Variants in GRAMD1C observed in about 807,000 individuals in gnomAD.
The protein encoded by GRAMD1C is protein Aster-C.
Under a neutral mutation model 97.8 loss-of-function variants are expected in GRAMD1C, and 89 were observed. The observed-to-expected ratio is 0.91, with a 90% CI of 0.77 to 1.09. The LOEUF (loss-of-function observed/expected upper bound fraction) is 1.09, where lower values mean the gene tolerates loss of function less well. Ranked by LOEUF, GRAMD1C falls within the 50% of genes least tolerant of loss-of-function variation. GRAMD1C has a pLI of 0.00. For missense variants in GRAMD1C, 740 were observed against 766.4 expected (o/e 0.97, Z 0.41); for synonymous variants, 256 against 267.0 (o/e 0.96, Z 0.40).
intron 3 of GRAMD1C, among the ~76,000 whole-genome samples, chr3:113,873,780 A>G (rs1193699320): frequency 6.6e-6 from 1 of 152,136 alleles, no homozygotes; most frequent in Non-Finnish European, 1.5e-5. Context: ...TGGCCTCCCA[A>G]AGTACTGGGA....
intron 3 of GRAMD1C, among the ~76,000 whole-genome samples, chr3:113,871,862 G>A (rs1934830586): frequency 6.6e-6 from 1 of 151,766 alleles, no homozygotes; most frequent in African/African-American, 2.4e-5. Context: ...GATTGCTTGA[G>A]CCCAGGAGGT....
intron 15 of GRAMD1C, chr3:113,938,944 G>A (rs1937638519): frequency 6.6e-6 from 1 of 151,982 alleles, no homozygotes; most frequent in African/African-American, 2.4e-5. Flanking sequence ...TGGGCTTTAT[G>A]GAAGATTTTT....
At chr3:113,908,107 T>C (rs1487016259) in intron 8 of GRAMD1C, among the ~76,000 whole-genome samples, 1 of 152,228 alleles carries the variant, frequency 6.6e-6, no homozygotes, top group African/African-American at 2.4e-5. Flanking sequence ...ATTCTGCTAC[T>C]TAGTGCTTCT....
chr3:113,868,443 C>CCATG (rs1382711351), intron 2 of GRAMD1C, among the ~76,000 whole-genome samples: 3 of 152,072 alleles, frequency 2.0e-5, no homozygotes, highest in Admixed American at 2.0e-4. Context: ...CCCTCCTGTC[C>CCATG]CATGGGTTGT....
intron 2 of GRAMD1C, among the ~76,000 whole-genome samples, chr3:113,850,008 G>T (rs7628057): frequency 2.5e-5 from 3 of 119,040 alleles, no homozygotes; most frequent in African/African-American, 1.1e-4. Context: ...GGGGTGGCTG[G>T]CCGGGCGGGG....
At chr3:113,892,901 T>C (rs1410281633) in intron 6 of GRAMD1C, among the ~76,000 whole-genome samples, 1 of 152,188 alleles carries the variant, frequency 6.6e-6, no homozygotes, top group Non-Finnish European at 1.5e-5. Context: ...ACAGTCCTGC[T>C]TTGTTTTTGT....
chr3:113,921,995 T>C (rs1460562835), intron 10 of GRAMD1C, among the ~76,000 whole-genome samples: 1 of 152,178 alleles, frequency 6.6e-6, no homozygotes, highest in Non-Finnish European at 1.5e-5. Context: ...TTTATTGTTA[T>C]TGCAGTTGCT....
chr3:113,842,740 A>T (rs1169015220), intron 1 of GRAMD1C, among the ~76,000 whole-genome samples: 1 of 152,116 alleles, frequency 6.6e-6, no homozygotes, highest in Non-Finnish European at 1.5e-5. Context: ...AGGTGGGCTG[A>T]TCACGTGAGG....
upstream of GRAMD1C, among the ~76,000 whole-genome samples, chr3:113,838,261 T>A (rs144727908): frequency 6.6e-6 from 1 of 152,126 alleles, no homozygotes; most frequent in African/African-American, 2.4e-5. Context: ...GTAACTTCAA[T>A]CCTTTATTGG....
chr3:113,925,725 C>G (rs1235997073), intron 10 of GRAMD1C, among the ~76,000 whole-genome samples: 2 of 152,174 alleles, frequency 1.3e-5, no homozygotes, highest in Admixed American at 1.3e-4. Context: ...AACAGTCTTT[C>G]ATTTCCATGT....
Position 113,925,918 on chromosome 3 carries a change from C to T in GRAMD1C, c.1091-4796C>T, listed in dbSNP as rs192941559. 2.0e-5 allele frequency among the ~76,000 whole-genome samples: 3 copies of T among 152,312 alleles called. No individual in the cohort carries two copies. The East Asian group carries it at 5.8e-4, about 29-fold the overall frequency. On this transcript the variant is annotated intron_variant, in intron 10 of 17. Transcript: ENST00000358160. ...CCTCAAGCCCTCAAATATAGAGTTTCTGCTGTTAGCCTGATAGGATTCCCT... is the reference window on the plus strand; with the variant it reads ...CCTCAAGCCCTCAAATATAGAGTTTTTGCTGTTAGCCTGATAGGATTCCCT...
chr3:113,885,333 G>T (rs746533569), intron 6 of GRAMD1C: 376 of 1,590,800 alleles, frequency 2.4e-4, no homozygotes, highest in Non-Finnish European at 3.1e-4. Flanking sequence ...GACTGCGCAC[G>T]TTCGTGGCCT....
At chr3:113,835,568 T>G (rs1709619913), upstream of GRAMD1C, among the ~76,000 whole-genome samples, 1 of 152,192 alleles carries the variant, frequency 6.6e-6, no homozygotes, top group South Asian at 2.1e-4. Flanking sequence ...GAAGTGGAGC[T>G]TTGTCCCAGA....
intron 2 of GRAMD1C, among the ~76,000 whole-genome samples, chr3:113,849,989 C>T (rs1350659286): frequency 2.0e-5 from 3 of 150,536 alleles, no homozygotes; most frequent in Non-Finnish European, 3.0e-5. Context: ...CCCCACCTCC[C>T]TCCCGGACGG....
chr3:113,849,830 G>A (rs1459643381), intron 2 of GRAMD1C, among the ~76,000 whole-genome samples: 2 of 152,058 alleles, frequency 1.3e-5, no homozygotes, highest in African/African-American at 4.8e-5. Flanking sequence ...ACGGGGTGGT[G>A]GCCTGGCAGA....
At chr3:113,842,323 G>A (rs1933367019) in intron 1 of GRAMD1C, among the ~76,000 whole-genome samples, 1 of 152,218 alleles carries the variant, frequency 6.6e-6, no homozygotes, top group Non-Finnish European at 1.5e-5. Flanking sequence ...CATTTTAGCT[G>A]ATGTTGAAGT....
intron 17 of GRAMD1C, among the ~76,000 whole-genome samples, chr3:113,942,288 T>A (rs67720127): frequency 0.042 from 6,364 of 152,228 alleles, 162 homozygotes; most frequent in African/African-American, 0.057. Flanking sequence ...TAACATTTTT[T>A]AAATCTTCTT....
chr3:113,884,516 A>C (rs1342835438), intron 6 of GRAMD1C, among the ~76,000 whole-genome samples: 1 of 152,196 alleles, frequency 6.6e-6, no homozygotes, highest in Non-Finnish European at 1.5e-5. Flanking sequence ...ATGATAGTGA[A>C]TCAATAACCT....
At chr3:113,842,446 G>GT (rs1478004973) in intron 1 of GRAMD1C, among the ~76,000 whole-genome samples, 3 of 151,826 alleles carry the variant, frequency 2.0e-5, no homozygotes, top group Non-Finnish European at 2.9e-5. Context: ...TTCAGTTTCA[G>GT]TTTTTTTTGT....
Sources: allele counts gnomAD v4.1 joint callset (sites outside exome capture counted in the v4.1 genomes callset), GRCh38; gene constraint gnomAD v4.1.1; transcripts MANE v1.5; gene names NCBI Gene and HGNC (gene_info 2026-07-23, HGNC 2026-07-21).